Variants in SCN8A observed in about 807,000 individuals in gnomAD.
SCN8A encodes sodium voltage-gated channel alpha subunit 8.
Under a neutral mutation model 184.1 loss-of-function variants are expected in SCN8A, and 30 were observed. The ratio of observed to expected loss-of-function variants is 0.16; its 90% CI spans 0.12 to 0.22. The LOEUF is 0.22. SCN8A is among the 10% of genes least tolerant of loss of function. The pLI is 1.00. For missense variants in SCN8A, 1,057 were observed against 2,498.9 expected (o/e 0.42, Z 12.30); for synonymous variants, 852 against 907.0 (o/e 0.94, Z 1.09).
intron 6 of SCN8A, among the ~76,000 whole-genome samples, chr12:51,693,982 G>C (rs1417005350): frequency 6.6e-6 from 1 of 152,154 alleles, no homozygotes; most frequent in Non-Finnish European, 1.5e-5. Flanking sequence ...ACGCAGGCTG[G>C]AGTGCAACGG....
chr12:51,737,612 G>A (rs1942348857), intron 12 of SCN8A, among the ~76,000 whole-genome samples: 1 of 152,208 alleles, frequency 6.6e-6, no homozygotes, highest in Non-Finnish European at 1.5e-5. Context: ...CACAATGGTA[G>A]TGTCATTTAC....
intron 11 of SCN8A, among the ~76,000 whole-genome samples, chr12:51,706,927 C>A (rs1941795475): frequency 1.3e-5 from 2 of 152,116 alleles, no homozygotes; most frequent in African/African-American, 4.8e-5. Context: ...TCAAGAGATC[C>A]ACTTTTTTAG....
chr12:51,592,113 C>G (rs905788124), intron 1 of SCN8A, among the ~76,000 whole-genome samples: 1 of 143,266 alleles, frequency 7.0e-6, no homozygotes, highest in African/African-American at 2.6e-5. Context: ...CCTCTCCCTC[C>G]CCCACCTTAC....
intron 1 of SCN8A, among the ~76,000 whole-genome samples, chr12:51,623,313 T>G (rs1940003770): frequency 6.6e-6 from 1 of 152,244 alleles, no homozygotes; most frequent in South Asian, 2.1e-4. Flanking sequence ...TCTGTATATA[T>G]GCTAAGCTAA....
chr12:51,661,405 C>T (rs1335300851), intron 1 of SCN8A, among the ~76,000 whole-genome samples: 1 of 152,218 alleles, frequency 6.6e-6, no homozygotes, highest in African/African-American at 2.4e-5. Flanking sequence ...GGCCCTCATA[C>T]AGACACTACA....
At position 51,808,713 on chromosome 12, in the gene SCN8A, T is replaced by C. The variant is rs1938794317; in HGVS notation, c.*1284T>C. 6.6e-6 allele frequency: 1 copy of C among 152,188 alleles called. No homozygotes were observed. The highest frequency in any genetic ancestry group is 6.5e-5 in the Admixed American group (1 of 15,276). 9.4% of individuals were successfully genotyped at this position (152,188 alleles called of 1,614,324 possible). On this transcript the variant is annotated 3_prime_UTR_variant, in exon 27 of 27. Transcript: ENST00000627620. ...TCATTTCATTTCGTATCATGTCCTC[T>C]GCATTGTGGCTTTCTCCAGGCATGG...
At chr12:51,684,989 A>T (rs941717277) in intron 3 of SCN8A, among the ~76,000 whole-genome samples, 1 of 152,222 alleles carries the variant, frequency 6.6e-6, no homozygotes, top group Non-Finnish European at 1.5e-5. Context: ...GATATTTAAC[A>T]GCATGTAGTC....
intron 21 of SCN8A, among the ~76,000 whole-genome samples, chr12:51,785,598 C>A (rs370106819): frequency 5.9e-5 from 9 of 152,170 alleles, no homozygotes; most frequent in Admixed American, 2.6e-4. Flanking sequence ...CTGACTGATA[C>A]TGTAAAGCAA....
At chr12:51,789,790 C>G (rs1168288236) in intron 24 of SCN8A, among the ~76,000 whole-genome samples, 1 of 152,222 alleles carries the variant, frequency 6.6e-6, no homozygotes, top group Non-Finnish European at 1.5e-5. Context: ...TAGTCAATCT[C>G]TGAGCACAAG....
chr12:51,606,629 T>C (rs537023904), intron 1 of SCN8A, among the ~76,000 whole-genome samples: 1 of 152,232 alleles, frequency 6.6e-6, no homozygotes, highest in African/African-American at 2.4e-5. Flanking sequence ...AGAAGAGTGA[T>C]GGTGGCATTT....
rs141724375 is a variant in SCN8A at position 51,772,628 on chromosome 12, G to A, written c.3646-1561G>A. 2.7e-3 allele frequency among the ~76,000 whole-genome samples: 411 copies of A among 151,898 alleles called. 1 individual carries two copies. Among genetic ancestry groups the A allele is most frequent in the African/African-American group, 9.3e-3 (386 of 41,422 alleles). ...TTGATTGAGCAAAGGGGATTTATTTGCACCGAGACCCTGAGTAGGACTGTG... is the reference window on the plus strand; with the variant it reads ...TTGATTGAGCAAAGGGGATTTATTTACACCGAGACCCTGAGTAGGACTGTG... On this transcript the variant is annotated intron_variant, in intron 19 of 26. Coordinates refer to ENST00000627620, the MANE Select transcript of SCN8A (RefSeq NM_001330260.2).
intron 16 of SCN8A, among the ~76,000 whole-genome samples, chr12:51,768,360 G>A (rs945560537): frequency 7.2e-6 from 1 of 138,390 alleles, no homozygotes; most frequent in South Asian, 2.1e-4. Context: ...AACAAAATTT[G>A]TTCTTAAAAT....
intron 1 of SCN8A, among the ~76,000 whole-genome samples, chr12:51,652,153 C>T (rs1940728188): frequency 6.6e-6 from 1 of 152,114 alleles, no homozygotes; most frequent in Admixed American, 6.5e-5. Context: ...TTAATCTGAA[C>T]ACTCTGCATC....
At chr12:51,727,717 C>T (rs1053067843) in intron 12 of SCN8A, among the ~76,000 whole-genome samples, 2 of 152,192 alleles carry the variant, frequency 1.3e-5, no homozygotes, top group Non-Finnish European at 2.9e-5. Flanking sequence ...AATCCCAGCA[C>T]TTTGGGAGGC....
At chr12:51,767,950 GC>G (rs1195619917) in intron 16 of SCN8A, among the ~76,000 whole-genome samples, 1 of 152,152 alleles carries the variant, frequency 6.6e-6, no homozygotes, top group African/African-American at 2.4e-5. Context: ...GGCCTTCAAA[GC>G]CCTCTCCAAC....
chr12:51,775,106 G>T (rs1280704678), intron 20 of SCN8A, among the ~76,000 whole-genome samples: 2 of 152,174 alleles, frequency 1.3e-5, no homozygotes, highest in Non-Finnish European at 2.9e-5. Context: ...CTTATTCTAT[G>T]TAATAACTAA....
At chr12:51,625,219 A>G (rs758885889) in intron 1 of SCN8A, among the ~76,000 whole-genome samples, 4 of 152,216 alleles carry the variant, frequency 2.6e-5, no homozygotes, top group Non-Finnish European at 5.9e-5. Flanking sequence ...CCTGATAACT[A>G]GTAATCTGTT....
At chr12:51,775,850 C>T (rs1937676032) in intron 20 of SCN8A, among the ~76,000 whole-genome samples, 1 of 152,208 alleles carries the variant, frequency 6.6e-6, no homozygotes, top group African/African-American at 2.4e-5. Context: ...AGAGCTTCCC[C>T]ACCATGACCT....
At chr12:51,689,704 A>T (rs1446276325) in intron 6 of SCN8A, 1 of 152,334 alleles carries the variant, frequency 6.6e-6, no homozygotes, top group Non-Finnish European at 1.5e-5. Context: ...CATCTACTGT[A>T]CATATTCAGG....
Sources: gnomAD v4.1 joint callset for allele counts (sites outside exome capture counted in the v4.1 genomes callset) on GRCh38, gnomAD v4.1.1 for gene constraint, MANE v1.5 for transcripts, NCBI Gene and HGNC (gene_info 2026-07-23, HGNC 2026-07-21) for gene names.